TMEM132D: variants seen among roughly 807,000 people sequenced by gnomAD.
TMEM132D encodes mature OL transmembrane protein.
In TMEM132D, 21 loss-of-function variants were observed where a neutral mutation model predicts 62.3. That is an observed-to-expected ratio of 0.34 (90% confidence interval 0.24 to 0.49). TMEM132D has a LOEUF of 0.49. TMEM132D is among the 20% of genes least tolerant of loss of function. TMEM132D has a pLI of 0.99. For missense variants in TMEM132D, 1,346 were observed against 1,402.8 expected (o/e 0.96, Z 0.65); for synonymous variants, 621 against 575.6 (o/e 1.08, Z -1.13).
At chr12:129,275,744 C>T (rs960303219) in intron 4 of TMEM132D, among the ~76,000 whole-genome samples, 1 of 152,220 alleles carries the variant, frequency 6.6e-6, no homozygotes, top group Non-Finnish European at 1.5e-5. Context: ...AAGCGGGGAT[C>T]TCACCTGCCT....
At chr12:129,722,441 G>T (rs1166565139) in intron 1 of TMEM132D, among the ~76,000 whole-genome samples, 4 of 152,176 alleles carry the variant, frequency 2.6e-5, no homozygotes, top group African/African-American at 7.2e-5. Flanking sequence ...CCCAGCACTG[G>T]AATTCTAAGA....
At chr12:129,763,953 C>G (rs1385333521) in intron 1 of TMEM132D, among the ~76,000 whole-genome samples, 1 of 152,200 alleles carries the variant, frequency 6.6e-6, no homozygotes, top group Non-Finnish European at 1.5e-5. Flanking sequence ...CGCAGAGCCT[C>G]TTGGCATGAT....
chr12:129,392,447 C>A (rs1227922969), intron 3 of TMEM132D, among the ~76,000 whole-genome samples: 1 of 152,238 alleles, frequency 6.6e-6, no homozygotes, highest in Non-Finnish European at 1.5e-5. Context: ...AGAATCTGCA[C>A]ACTGGAGACC....
At chr12:129,650,121 A>G (rs941234655) in intron 2 of TMEM132D, among the ~76,000 whole-genome samples, 1 of 152,214 alleles carries the variant, frequency 6.6e-6, no homozygotes, top group Admixed American at 6.5e-5. Flanking sequence ...CCACTTATAC[A>G]GATACAAATA....
intron 2 of TMEM132D, among the ~76,000 whole-genome samples, chr12:129,667,968 G>GTTT (rs34101459): frequency 0.76 from 114,984 of 151,138 alleles, 44,167 homozygotes; most frequent in East Asian, 0.86. Flanking sequence ...ACCCTAAAAT[G>GTTT]TTGTTATCCA....
At position 129,478,090 on chromosome 12, in the gene TMEM132D, TTGTC is replaced by T. The variant is rs1874323450; in HGVS notation, c.1115+52965_1115+52968del. On this transcript the variant is annotated intron_variant, in intron 3 of 8. Coordinates refer to ENST00000422113, the MANE Select transcript of TMEM132D (RefSeq NM_133448.3). ...CAGTAGGCAACACAATGATAAGTAC[TTGTC>T]TATCTAAACATGTCTAAACATAGAA... is the stretch of plus-strand genomic sequence containing the variant. Among the ~76,000 whole-genome samples the T allele has an allele frequency of 7.2e-5, 11 of 152,292 alleles. No homozygotes were observed. In the South Asian group the frequency reaches 2.3e-3, roughly 32 times the overall value.
chr12:129,527,646 G>A (rs1876087528), intron 3 of TMEM132D, among the ~76,000 whole-genome samples: 1 of 152,138 alleles, frequency 6.6e-6, no homozygotes, highest in Non-Finnish European at 1.5e-5. Flanking sequence ...ACTTGTCTAT[G>A]GAGAGAACTA....
intron 4 of TMEM132D, among the ~76,000 whole-genome samples, chr12:129,254,498 T>C (rs1031781405): frequency 1.3e-5 from 2 of 152,164 alleles, no homozygotes; most frequent in Non-Finnish European, 2.9e-5. Context: ...ATTTAATCCC[T>C]CTAAGCCTCA....
chr12:129,296,459 TAGG>T (rs777984885), intron 4 of TMEM132D, among the ~76,000 whole-genome samples: 1 of 152,216 alleles, frequency 6.6e-6, no homozygotes, highest in Non-Finnish European at 1.5e-5. Context: ...TCGTGCCAAA[TAGG>T]AGAATACTTT....
intron 3 of TMEM132D, among the ~76,000 whole-genome samples, chr12:129,468,640 C>A (rs552670385): frequency 1.3e-5 from 2 of 152,268 alleles, no homozygotes; most frequent in South Asian, 2.1e-4. Flanking sequence ...CAAGTTGATC[C>A]ATAAATAGTT....
intron 4 of TMEM132D, among the ~76,000 whole-genome samples, chr12:129,230,955 T>C (rs1480772689): frequency 1.3e-5 from 2 of 152,226 alleles, no homozygotes; most frequent in South Asian, 2.1e-4. Context: ...CTCCATTCCA[T>C]GATCATCACC....
rs540437358 is a variant in TMEM132D at position 129,310,661 on chromosome 12, C to T, written c.1299+26973G>A. On this transcript the variant is annotated intron_variant, in intron 4 of 8. Transcript: ENST00000422113. ...GTAAGCAAAGAGAAGAAACTCAGTACATCCGGTAAAAGGAAGGCTTGAAGA... is the reference window on the plus strand; with the variant it reads ...GTAAGCAAAGAGAAGAAACTCAGTATATCCGGTAAAAGGAAGGCTTGAAGA... Among the ~76,000 whole-genome samples, 154 of 152,302 alleles carry T rather than the reference C, an allele frequency of 1.0e-3. 3 individuals carry two copies. In the South Asian group the frequency reaches 0.031, roughly 30 times the overall value.
At position 129,166,794 on chromosome 12, in the gene TMEM132D, T is replaced by C. The variant is rs71446270; in HGVS notation, c.1443+42726A>G. ...ATATATACATATATATATATATATA[T>C]ATATATATATATATATTTCAGTTGT... On this transcript the variant is annotated intron_variant, in intron 5 of 8. Transcript: ENST00000422113. Among the ~76,000 whole-genome samples, 5 of 42,618 alleles carry C rather than the reference T, an allele frequency of 1.2e-4. 1 individual carries two copies. The Admixed American group carries it at 1.2e-3, about 10-fold the overall frequency. The allele number at this position is 42,618 out of a possible 152,430, so 28.0% of individuals were successfully genotyped here.
At chr12:129,593,021 G>A (rs4759975) in intron 2 of TMEM132D, among the ~76,000 whole-genome samples, 57,469 of 151,974 alleles carry the variant, frequency 0.38, 12,915 homozygotes, top group African/African-American at 0.61. Context: ...CCAAATTGAT[G>A]CCACATGGAG....
chr12:129,188,266 C>A (rs1593289841), intron 5 of TMEM132D, among the ~76,000 whole-genome samples: 1 of 152,206 alleles, frequency 6.6e-6, no homozygotes, highest in South Asian at 2.1e-4. Context: ...CAGGTCCCAG[C>A]TGGCCTCCTG....
rs138804796 is a variant in TMEM132D at position 129,617,612 on chromosome 12, C to T, written c.968+82198G>A. 3.9e-3 allele frequency among the ~76,000 whole-genome samples: 590 copies of T among 152,156 alleles called. 4 individuals are homozygous for T. Among genetic ancestry groups the T allele is most frequent in the South Asian group, 5.4e-3 (26 of 4,820 alleles). On this transcript the variant is annotated intron_variant, in intron 2 of 8. Coordinates refer to ENST00000422113, the MANE Select transcript of TMEM132D (RefSeq NM_133448.3). ...AGCAGTGCGGTTCTATTTGTTGATG[C>T]GAGAGATGGAGTCACAGGTGCCATC...
At chr12:129,769,616 G>A (rs1457530713) in intron 1 of TMEM132D, among the ~76,000 whole-genome samples, 1 of 152,080 alleles carries the variant, frequency 6.6e-6, no homozygotes, top group Non-Finnish European at 1.5e-5. Flanking sequence ...CCTTGTTGAA[G>A]AGACGGATAA....
At chr12:129,729,694 G>A (rs1302987894) in intron 1 of TMEM132D, among the ~76,000 whole-genome samples, 1 of 152,166 alleles carries the variant, frequency 6.6e-6, no homozygotes. Context: ...TTGATCATGA[G>A]TAGAGCTATG....
intron 1 of TMEM132D, among the ~76,000 whole-genome samples, chr12:129,751,872 A>G (rs942948535): frequency 2.0e-5 from 3 of 152,148 alleles, no homozygotes; most frequent in Admixed American, 1.3e-4. Flanking sequence ...TATTAGTACA[A>G]TCTCACTCCT....
Sources: gnomAD v4.1 joint callset for allele counts (sites outside exome capture counted in the v4.1 genomes callset) on GRCh38, gnomAD v4.1.1 for gene constraint, MANE v1.5 for transcripts, NCBI Gene and HGNC (gene_info 2026-07-23, HGNC 2026-07-21) for gene names.